DNAJC6: variants seen among roughly 807,000 people sequenced by gnomAD.
The protein encoded by DNAJC6 is auxilin.
Under a neutral mutation model 110.0 loss-of-function variants are expected in DNAJC6, and 34 were observed. The ratio of observed to expected loss-of-function variants is 0.31; its 90% confidence interval spans 0.24 to 0.41. The LOEUF (loss-of-function observed/expected upper bound fraction) is 0.41, where lower values mean the gene tolerates loss of function less well. DNAJC6 is among the 10% of genes least tolerant of loss of function. The probability of loss-of-function intolerance (pLI) is 1.00; values close to 1 mark genes in which losing one functional copy is unlikely to be tolerated. For missense variants in DNAJC6, 1,031 were observed against 1,207.8 expected, an observed-to-expected ratio of 0.85 and a Z score of 2.17; for synonymous variants, 406 against 437.2, an observed-to-expected ratio of 0.93 and a Z score of 0.89.
upstream of DNAJC6, among the ~76,000 whole-genome samples, chr1:65,307,220 G>C (rs1348112654): frequency 6.6e-6 from 1 of 151,688 alleles, no homozygotes; most frequent in African/African-American, 2.4e-5. Context: ...CTAGTTTTTA[G>C]GCTGTTGTAA....
Position 65,394,995 on chromosome 1 carries a change from T to C in DNAJC6, c.2001T>C (p.Phe667=). The change falls in exon 13 of 19, where the codon TTT becomes TTC. Residue 667 remains phenylalanine (F), a synonymous_variant. Coordinates refer to ENST00000371069, the MANE Select transcript of DNAJC6 (RefSeq NM_001256864.2). Reference sequence around the variant, plus strand: ...CATCCAGTGCTTCCAGTGACCCCTTTCTCCAGCCAACAAGAAGTCCTTCGC... The same window carrying C: ...CATCCAGTGCTTCCAGTGACCCCTTCCTCCAGCCAACAAGAAGTCCTTCGC... The part of the protein sequence containing the change: ...LNTSSASSDP[F]LQPTRSPSPT... 1 of 1,612,390 alleles carries C rather than the reference T, an allele frequency of 6.2e-7. No individual in the cohort carries two copies. Among genetic ancestry groups the C allele is most frequent in the Non-Finnish European group, 8.5e-7 (1 of 1,179,496 alleles).
intron 1 of DNAJC6, among the ~76,000 whole-genome samples, chr1:65,312,118 T>G (rs964786388): frequency 3.9e-5 from 6 of 152,238 alleles, no homozygotes; most frequent in African/African-American, 1.4e-4. Flanking sequence ...TTGTTATCTC[T>G]AAAGTGCTAT....
At chr1:65,308,623 A>G (rs957382374), upstream of DNAJC6, among the ~76,000 whole-genome samples, 1 of 152,196 alleles carries the variant, frequency 6.6e-6, no homozygotes, top group Non-Finnish European at 1.5e-5. Flanking sequence ...TTCTCTTCTG[A>G]TTATGAGTTA....
intron 1 of DNAJC6, among the ~76,000 whole-genome samples, chr1:65,328,554 A>G (rs1221834822): frequency 6.6e-6 from 1 of 152,202 alleles, no homozygotes; most frequent in Non-Finnish European, 1.5e-5. Flanking sequence ...TAAGTTCCAC[A>G]CTATTTTCTC....
chr1:65,295,877 C>CA (rs1224653620), intron 1 of DNAJC6, among the ~76,000 whole-genome samples: 1 of 152,186 alleles, frequency 6.6e-6, no homozygotes, highest in Non-Finnish European at 1.5e-5. Context: ...GAACTGGCCC[C>CA]ATGGTAATAC....
At chr1:65,268,147 T>A (rs1420526190) in intron 1 of DNAJC6, among the ~76,000 whole-genome samples, 2 of 152,194 alleles carry the variant, frequency 1.3e-5, no homozygotes, top group African/African-American at 4.8e-5. Context: ...ATCACCAGGA[T>A]GTTGCAGGTT....
At position 65,392,764 on chromosome 1, in the gene DNAJC6, T is replaced by C. The variant is rs753601140; in HGVS notation, c.1802T>C (p.Val601Ala). 5 of 1,611,902 alleles carry C rather than the reference T, an allele frequency of 3.1e-6. No individual in the cohort carries two copies. In the South Asian group the frequency reaches 5.5e-5, roughly 18 times the overall value. ...AGPTQAGQSG[V>A]EDVFHPSGPA... ...CCCACCCAGGCTGGACAGTCAGGAGTGGAAGATGTGTTTCATCCTAGTGGA... is the reference window on the plus strand; with the variant it reads ...CCCACCCAGGCTGGACAGTCAGGAGCGGAAGATGTGTTTCATCCTAGTGGA... The change falls in exon 12 of 19, where the codon GTG (valine) becomes GCG (alanine). Residue 601 changes from valine to alanine, a missense_variant. By Grantham distance (64) the Val-to-Ala change is moderately conservative (BLOSUM62 0). Transcript: ENST00000371069.
Position 65,389,272 on chromosome 1 carries a change from T to C in DNAJC6, c.1210T>C (p.Cys404Arg). ...LKFTKPELDA[C>R]DVPEKYPQLF... is the part of the protein sequence containing the mutation. ...CCTATTTAGGCCTGAGTTAGATGCA[T>C]GTGATGTACCAGAAAAATATCCTCA... The change falls in exon 10 of 19, where the codon TGT (cysteine) becomes CGT (arginine). Residue 404 changes from cysteine to arginine, a missense_variant. Physicochemically the swap from Cys to Arg is radical, Grantham distance 180. Coordinates refer to ENST00000371069, the MANE Select transcript of DNAJC6 (RefSeq NM_001256864.2). 1 of 1,614,084 alleles carries C rather than the reference T, an allele frequency of 6.2e-7. No individual in the cohort carries two copies. The highest frequency in any genetic ancestry group is 1.7e-5 in the Admixed American group (1 of 60,026).
rs749355862 is a variant in DNAJC6, at chr1:65,384,184, C to A, written c.667-9C>A. 1 of 1,475,958 alleles carries A rather than the reference C, an allele frequency of 6.8e-7. No individual in the cohort carries two copies. The allele number at this position is 1,475,958 out of a possible 1,614,324, so 91.4% of individuals were successfully genotyped here. ...TGTTCATAATGATTTTATGCATTTT[C>A]TTTGACAGGATGGACGGGCGGCATC... On this transcript the variant is annotated splice_polypyrimidine_tract_variant and intron_variant, in intron 5 of 18. Coordinates refer to ENST00000371069, the MANE Select transcript of DNAJC6 (RefSeq NM_001256864.2).
intron 2 of DNAJC6, 144 bp downstream of exon 2, chr1:65,364,929 A>C: frequency 8.5e-7 from 1 of 1,172,376 alleles, no homozygotes; most frequent in Non-Finnish European, 1.2e-6. Flanking sequence ...ATGTCATTGA[A>C]GACATAAAGT....
intron 1 of DNAJC6, among the ~76,000 whole-genome samples, chr1:65,326,423 C>G (rs1645242278): frequency 6.6e-6 from 1 of 152,022 alleles, no homozygotes; most frequent in Admixed American, 6.6e-5. Flanking sequence ...TTTGAACATT[C>G]CAGATAAAGT....
chr1:65,324,294 A>G (rs1324647797), intron 1 of DNAJC6, among the ~76,000 whole-genome samples: 1 of 151,602 alleles, frequency 6.6e-6, no homozygotes, highest in Admixed American at 6.6e-5. Context: ...CTCCTGCCTT[A>G]CCCTCCCTCA....
intron 1 of DNAJC6, among the ~76,000 whole-genome samples, chr1:65,356,444 A>G (rs9726771): frequency 2.1e-3 from 319 of 151,892 alleles, no homozygotes; most frequent in African/African-American, 7.4e-3. Context: ...CATGCCTGTA[A>G]TCCCAGCTAC....
chr1:65,378,418 C>T (rs1009509189), intron 4 of DNAJC6, among the ~76,000 whole-genome samples: 3 of 152,142 alleles, frequency 2.0e-5, no homozygotes, highest in Admixed American at 2.0e-4. Context: ...TAATTGCCAA[C>T]ATTTATTATC....
At chr1:65,264,870 G>A in exon 1 of DNAJC6, 1 of 1,612,060 alleles carries the variant, frequency 6.2e-7, no homozygotes, top group South Asian at 1.1e-5. Flanking sequence ...AGAATCAGCC[G>A]GACTTTCCTG....
chr1:65,301,938 C>A (rs1194311275), intron 1 of DNAJC6, among the ~76,000 whole-genome samples: 2 of 150,920 alleles, frequency 1.3e-5, no homozygotes, highest in African/African-American at 2.4e-5. Flanking sequence ...AGATAAGAGT[C>A]CTGCCTTGGA....
At chr1:65,342,334 G>T (rs930617905) in intron 1 of DNAJC6, among the ~76,000 whole-genome samples, 2 of 152,150 alleles carry the variant, frequency 1.3e-5, no homozygotes, top group African/African-American at 4.8e-5. Context: ...CCTTTGGGAG[G>T]TGATTAGGTT....
At chr1:65,384,712 C>T (rs1002044390) in intron 6 of DNAJC6, among the ~76,000 whole-genome samples, 3 of 152,088 alleles carry the variant, frequency 2.0e-5, no homozygotes, top group African/African-American at 7.2e-5. Flanking sequence ...AATTACCTCC[C>T]ACCGGATCCC....
intron 1 of DNAJC6, among the ~76,000 whole-genome samples, chr1:65,341,349 G>A (rs1295363233): frequency 6.6e-6 from 1 of 152,152 alleles, no homozygotes. Flanking sequence ...ATGATGGAAA[G>A]CCACCTGCTT....
Sources: allele counts gnomAD v4.1 joint callset (sites outside exome capture counted in the v4.1 genomes callset), GRCh38; gene constraint gnomAD v4.1.1; transcripts MANE v1.5; gene names NCBI Gene and HGNC (gene_info 2026-07-23, HGNC 2026-07-21).